The following OCA2 variants were observed in gnomAD, a reference collection of about 807,000 sequenced individuals.
The protein encoded by OCA2 is P protein.
Under a neutral mutation model 100.2 loss-of-function variants are expected in OCA2, and 77 were observed. That is an observed-to-expected ratio of 0.77 (90% confidence interval 0.64 to 0.93). The LOEUF is 0.93. Among genes scored for constraint, OCA2 ranks in the 40% least tolerant of loss-of-function variants. The probability of loss-of-function intolerance (pLI) is 0.00; values close to 1 mark genes in which losing one functional copy is unlikely to be tolerated. For missense variants in OCA2, 1,062 were observed against 1,089.1 expected (o/e 0.98, Z 0.35); for synonymous variants, 432 against 439.2 (o/e 0.98, Z 0.21).
intron 19 of OCA2, among the ~76,000 whole-genome samples, chr15:27,891,895 C>T (rs957199185): frequency 6.6e-6 from 1 of 151,196 alleles, no homozygotes; most frequent in Admixed American, 6.6e-5. Flanking sequence ...ATGTTACACA[C>T]AAAAAAAATC....
intron 9 of OCA2, among the ~76,000 whole-genome samples, chr15:28,003,185 T>C (rs2041981836): frequency 6.6e-6 from 1 of 152,250 alleles, no homozygotes; most frequent in South Asian, 2.1e-4. Context: ...CAAATTCCTA[T>C]TGTATATGGA....
intron 23 of OCA2, among the ~76,000 whole-genome samples, chr15:27,835,928 G>C (rs1050066082): frequency 6.6e-6 from 1 of 152,222 alleles, no homozygotes; most frequent in Non-Finnish European, 1.5e-5. Context: ...CCGAATCAAA[G>C]TGGAGCCATT....
intron 23 of OCA2, among the ~76,000 whole-genome samples, chr15:27,842,907 T>A (rs541961505): frequency 6.6e-6 from 1 of 152,176 alleles, no homozygotes. Flanking sequence ...CCCACATGCA[T>A]CACCCACTGG....
chr15:27,872,202 T>C (rs916427226), intron 19 of OCA2, among the ~76,000 whole-genome samples: 1 of 152,212 alleles, frequency 6.6e-6, no homozygotes, highest in African/African-American at 2.4e-5. Flanking sequence ...AGACTCTCTT[T>C]AAGACCTGTG....
chr15:28,087,437 A>G (rs1487368313), intron 1 of OCA2, among the ~76,000 whole-genome samples: 1 of 152,250 alleles, frequency 6.6e-6, no homozygotes, highest in Non-Finnish European at 1.5e-5. Context: ...ATTTTAGAAC[A>G]TCAGGAAGGT....
intron 11 of OCA2, among the ~76,000 whole-genome samples, chr15:27,987,563 A>G (rs1013999130): frequency 2.6e-5 from 4 of 151,220 alleles, no homozygotes; most frequent in African/African-American, 9.7e-5. Flanking sequence ...ACTAAAAAAA[A>G]AAAAAAATAC....
At chr15:28,018,706 G>T in intron 6 of OCA2, 149 bp from the exon 7 acceptor site, 1 of 739,384 alleles carries the variant, frequency 1.4e-6, no homozygotes, top group South Asian at 1.5e-5. Flanking sequence ...CGATCTTCCT[G>T]CCTTTCTTAT....
rs113828940 is a variant in OCA2, at chr15:27,953,680, G to A, written c.1842+1478C>T. On this transcript the variant is annotated intron_variant, in intron 17 of 23. Coordinates refer to ENST00000354638, the MANE Select transcript of OCA2 (RefSeq NM_000275.3). ...GCATCCTGCAGCTCATGGAAGTGGA[G>A]GTTTTTTGGGGGTATCATTCAAATT... Among the ~76,000 whole-genome samples the A allele has an allele frequency of 1.7e-3, 258 of 152,256 alleles. 1 individual carries two copies. Among genetic ancestry groups the A allele is most frequent in the African/African-American group, 6.0e-3 (248 of 41,560 alleles).
chr15:27,915,616 T>C (rs151059572), intron 19 of OCA2, among the ~76,000 whole-genome samples: 13 of 152,278 alleles, frequency 8.5e-5, no homozygotes, highest in African/African-American at 2.6e-4. Flanking sequence ...ATGCTCAACA[T>C]GGCTAATCAT....
At chr15:27,844,843 G>T (rs1198183667) in intron 23 of OCA2, 116 bp downstream of exon 23, 3 of 793,368 alleles carry the variant, frequency 3.8e-6, no homozygotes, top group Non-Finnish European at 6.5e-6. Context: ...CTACACCACA[G>T]TCTCTCTACT....
intron 9 of OCA2, among the ~76,000 whole-genome samples, chr15:28,009,908 GAACT>G (rs939731816): frequency 6.6e-6 from 1 of 152,134 alleles, no homozygotes. Context: ...GAATTAGAGA[GAACT>G]AACTGAAACT....
the OCA2 span, among the ~76,000 whole-genome samples, chr15:27,747,943 G>A: frequency 1.3e-5 from 2 of 152,162 alleles, no homozygotes; most frequent in African/African-American, 4.8e-5. Context: ...GGGTGAACTG[G>A]TTTGGAATCC....
chr15:28,037,772 A>G (rs1335601370), intron 2 of OCA2, among the ~76,000 whole-genome samples: 1 of 152,296 alleles, frequency 6.6e-6, no homozygotes, highest in African/African-American at 2.4e-5. Context: ...CCAGCTGCTG[A>G]GGGCAGGGCC....
Position 28,086,853 on chromosome 15 carries a change from G to T in OCA2, c.-21-4958C>A, listed in dbSNP as rs1221297183. Reference sequence around the variant, plus strand: ...GGACAGAGAAAAGAATCAATAAGTGGAAGATAGAACAATAGAAATTACTCA... The same window carrying T: ...GGACAGAGAAAAGAATCAATAAGTGTAAGATAGAACAATAGAAATTACTCA... On this transcript the variant is annotated intron_variant, in intron 1 of 23. Transcript: ENST00000354638. Among the ~76,000 whole-genome samples the T allele has an allele frequency of 2.0e-5, 3 of 152,224 alleles. No homozygotes were observed. The South Asian group carries it at 6.2e-4, about 32-fold the overall frequency.
intron 6 of OCA2, among the ~76,000 whole-genome samples, chr15:28,020,739 C>T (rs541117092): frequency 7.2e-4 from 110 of 152,350 alleles, no homozygotes; most frequent in Non-Finnish European, 1.4e-3. Context: ...CACGTGCACA[C>T]GCACTCAGCT....
At position 28,081,894 on chromosome 15, in the gene OCA2, C is replaced by A; in HGVS notation, c.-20G>T. 1 of 1,602,414 alleles carries A rather than the reference C, an allele frequency of 6.2e-7. No homozygotes were observed. ...ATGCATGCTCCACTGCCAGTCTTCT[C>A]TCTAGGGCAGCCAGAAAGAAACCAC... is the stretch of plus-strand genomic sequence containing the variant. On this transcript the variant is annotated splice_region_variant and 5_prime_UTR_variant, in exon 2 of 24. Coordinates refer to ENST00000354638, the MANE Select transcript of OCA2 (RefSeq NM_000275.3).
At chr15:28,019,783 G>A (rs1211960423) in intron 6 of OCA2, among the ~76,000 whole-genome samples, 2 of 152,194 alleles carry the variant, frequency 1.3e-5, no homozygotes, top group African/African-American at 2.4e-5. Context: ...TATACTGCAC[G>A]CCCTTTCTCA....
intron 14 of OCA2, among the ~76,000 whole-genome samples, chr15:27,978,259 T>C (rs561207595): frequency 6.6e-6 from 1 of 152,346 alleles, no homozygotes; most frequent in South Asian, 2.1e-4. Flanking sequence ...GAAAAACATA[T>C]ACATTCTTCT....
At chr15:27,749,662 A>G in the OCA2 span, among the ~76,000 whole-genome samples, 89 of 152,308 alleles carry the variant, frequency 5.8e-4, no homozygotes, top group Middle Eastern at 6.8e-3. Flanking sequence ...CAGGATCTAC[A>G]CACACAAATC....
Sources: gnomAD v4.1 joint callset for allele counts (sites outside exome capture counted in the v4.1 genomes callset) on GRCh38, gnomAD v4.1.1 for gene constraint, MANE v1.5 for transcripts, NCBI Gene and HGNC (gene_info 2026-07-23, HGNC 2026-07-21) for gene names.